The following RSPH14 variants were observed in gnomAD, a reference collection of about 807,000 sequenced individuals.
RSPH14 encodes radial spoke head 14 homolog.
Under a neutral mutation model 26.7 loss-of-function variants are expected in RSPH14, and 20 were observed. The ratio of observed to expected loss-of-function variants is 0.75; its 90% confidence interval spans 0.53 to 1.09. RSPH14 has a LOEUF of 1.09. Ranked by LOEUF, RSPH14 falls within the 50% of genes least tolerant of loss-of-function variation. RSPH14 has a pLI of 0.00. For missense variants in RSPH14, 449 were observed against 457.2 expected (o/e 0.98, Z 0.16); for synonymous variants, 177 against 189.3 (o/e 0.93, Z 0.53).
intron 4 of RSPH14, among the ~76,000 whole-genome samples, chr22:23,081,889 G>A (rs1420851739): frequency 6.6e-6 from 1 of 151,224 alleles, no homozygotes; most frequent in Non-Finnish European, 1.5e-5. Context: ...ACTTTGGGGG[G>A]CCGAGGCGGG....
At chr22:23,074,427 T>C (rs920674573) in intron 4 of RSPH14, among the ~76,000 whole-genome samples, 1 of 152,160 alleles carries the variant, frequency 6.6e-6, no homozygotes, top group African/African-American at 2.4e-5. Context: ...GGAGCTGGTA[T>C]TGGCTGAGAA....
intron 4 of RSPH14, among the ~76,000 whole-genome samples, chr22:23,094,157 G>A (rs191640781): frequency 0.034 from 5,182 of 152,252 alleles, 303 homozygotes; most frequent in African/African-American, 0.12. Context: ...AGGGGCGAAT[G>A]CTGCCTGTGG....
rs4822360 is a variant in RSPH14 at position 23,140,273 on chromosome 22, A to T, written c.148T>A (p.Leu50Met). The T allele has an allele frequency of 5.6e-6, 9 of 1,613,874 alleles. No individual in the cohort carries two copies. Among genetic ancestry groups the T allele is most frequent in the Non-Finnish European group, 7.6e-6 (9 of 1,179,938 alleles). Residue 50 changes from leucine to methionine, a missense_variant, in exon 2 of 7, where the codon TTG (leucine) becomes ATG (methionine). Transcript: ENST00000216036. ...TCGGGGTCATGCATGAGGTCACACA[A>T]GGCCATGAGGGCTTTCTGCCTCGTC... ...LQTRQKALMA[L>M]CDLMHDPECI...
intron 4 of RSPH14, among the ~76,000 whole-genome samples, chr22:23,129,007 A>T (rs1327984310): frequency 6.6e-6 from 1 of 152,144 alleles, no homozygotes; most frequent in East Asian, 1.9e-4. Flanking sequence ...AGACTGTCCC[A>T]GCTAAGCCAC....
the RSPH14 span, among the ~76,000 whole-genome samples, chr22:23,161,202 C>T: frequency 6.6e-6 from 1 of 152,186 alleles, no homozygotes; most frequent in South Asian, 2.1e-4. Flanking sequence ...CCTCCCTAGC[C>T]CTCCCTGTTC....
chr22:23,090,192 C>T (rs921757958), intron 4 of RSPH14, among the ~76,000 whole-genome samples: 2 of 152,126 alleles, frequency 1.3e-5, no homozygotes, highest in Non-Finnish European at 2.9e-5. Flanking sequence ...GACAGTCCCC[C>T]TTTCCCAGTA....
chr22:23,138,785 C>A, intron 3 of RSPH14, 55 bp downstream of exon 3: 1 of 1,444,550 alleles, frequency 6.9e-7, no homozygotes. Flanking sequence ...TGCATCCACC[C>A]AGGGGAGAAG....
chr22:23,088,940 C>G (rs1443967203), intron 4 of RSPH14, among the ~76,000 whole-genome samples: 1 of 152,218 alleles, frequency 6.6e-6, no homozygotes, highest in Non-Finnish European at 1.5e-5. Flanking sequence ...TGTGCCTCTC[C>G]CCCAGTCACA....
chr22:23,178,640 C>T, the RSPH14 span, among the ~76,000 whole-genome samples: 39 of 152,326 alleles, frequency 2.6e-4, no homozygotes, highest in African/African-American at 8.4e-4. Flanking sequence ...CAGTGAGCTG[C>T]GCACCGCCCA....
chr22:23,091,974 C>T (rs535653880), intron 4 of RSPH14, among the ~76,000 whole-genome samples: 8 of 152,342 alleles, frequency 5.3e-5, no homozygotes, highest in African/African-American at 1.7e-4. Flanking sequence ...CAGGGCCTTA[C>T]AGCATGTTCC....
intron 4 of RSPH14, chr22:23,123,035 C>T: frequency 8.2e-7 from 1 of 1,222,706 alleles, no homozygotes; most frequent in South Asian, 1.3e-5. Flanking sequence ...GGTCTAGGGT[C>T]TGTCTCTGCC....
intron 4 of RSPH14, among the ~76,000 whole-genome samples, chr22:23,092,040 C>G (rs572400353): frequency 6.6e-6 from 1 of 152,332 alleles, no homozygotes; most frequent in Admixed American, 6.5e-5. Context: ...TCTAGCCATG[C>G]CCAGAGGCAC....
rs1303174827 is a variant in RSPH14, at chr22:23,130,143, GAA to G, written c.421+3881_421+3882del. 5.1e-5 allele frequency among the ~76,000 whole-genome samples: 6 copies of G among 116,588 alleles called. 1 individual carries two copies. Among genetic ancestry groups the G allele is most frequent in the Admixed American group, 9.0e-5 (1 of 11,078 alleles). The allele number at this position is 116,588 out of a possible 152,430, so 76.5% of individuals were successfully genotyped here. On this transcript the variant is annotated intron_variant, in intron 4 of 6. Transcript: ENST00000216036. ...AGAAAGAAAGAAAGAAAGAAAGAAA[GAA>G]AGAAAGAAAGAAAGAAAAAGAAAAA... is the stretch of plus-strand genomic sequence containing the variant.
intron 4 of RSPH14, among the ~76,000 whole-genome samples, chr22:23,110,895 C>T (rs912194551): frequency 6.6e-6 from 1 of 152,218 alleles, no homozygotes; most frequent in Admixed American, 6.5e-5. Context: ...TCAGGCCTCC[C>T]TGCCCACCAT....
upstream of RSPH14, among the ~76,000 whole-genome samples, chr22:23,144,643 A>T (rs5751590): frequency 6.6e-6 from 1 of 150,846 alleles, no homozygotes; most frequent in Non-Finnish European, 1.5e-5. Flanking sequence ...CCTTGAGCCT[A>T]GGAGTTCGAG....
rs773316362 is a variant in RSPH14 at position 23,059,716 on chromosome 22, TC to T, written c.792del (p.Lys265SerfsTer21). 17 of 1,519,166 alleles carry T rather than the reference TC, an allele frequency of 1.1e-5. No individual in the cohort carries two copies. Among genetic ancestry groups the T allele is most frequent in the African/African-American group, 4.2e-5 (3 of 71,938 alleles). The allele number at this position is 1,519,166 out of a possible 1,614,324, so 94.1% of individuals were successfully genotyped here. ...GCTTGTGCCTCCAGGGCCGCATACTTCCCTGCAGGCCACCAACACAAGGCGT... is the reference window on the plus strand; with the variant it reads ...GCTTGTGCCTCCAGGGCCGCATACTTCCTGCAGGCCACCAACACAAGGCGT... ...ALMFATVITE[G>X]KYAALEAQAI... On this transcript the variant is annotated frameshift_variant and splice_region_variant, in exon 7 of 7. Coordinates refer to ENST00000216036, the MANE Select transcript of RSPH14 (RefSeq NM_014433.3). LOFTEE classifies it low-confidence loss of function (END_TRUNC).
At chr22:23,162,914 C>CTT in the RSPH14 span, 6,411 of 301,392 alleles carry the variant, frequency 0.021, 7 homozygotes, top group South Asian at 0.039. Flanking sequence ...ATATAAATGA[C>CTT]TTTTTTTTTT....
the RSPH14 span, chr22:23,179,984 C>A: frequency 3.1e-6 from 1 of 326,678 alleles, no homozygotes; most frequent in Non-Finnish European, 5.7e-6. Context: ...CAGATGCCCA[C>A]GATGGTGGCC....
At chr22:23,134,901 A>G (rs1374219086) in intron 3 of RSPH14, among the ~76,000 whole-genome samples, 1 of 152,030 alleles carries the variant, frequency 6.6e-6, no homozygotes, top group Non-Finnish European at 1.5e-5. Flanking sequence ...AAAAGATTCT[A>G]GATAGCTCAC....
Sources: allele counts gnomAD v4.1 joint callset (sites outside exome capture counted in the v4.1 genomes callset), GRCh38; gene constraint gnomAD v4.1.1; transcripts MANE v1.5; gene names NCBI Gene and HGNC (gene_info 2026-07-23, HGNC 2026-07-21).